Variants in LMNA observed in about 807,000 individuals in gnomAD.
The protein encoded by LMNA is lamin A/C.
LMNA carries 20 observed loss-of-function variants against 70.4 expected under a neutral mutation model. The ratio of observed to expected loss-of-function variants is 0.28; its 90% CI spans 0.20 to 0.41. LMNA has a LOEUF of 0.41. LMNA is among the 10% of genes least tolerant of loss of function. The probability of loss-of-function intolerance (pLI) is 1.00; values close to 1 mark genes in which losing one functional copy is unlikely to be tolerated. For missense variants in LMNA, 652 were observed against 917.2 expected (o/e 0.71, Z 3.73); for synonymous variants, 339 against 372.8 (o/e 0.91, Z 1.04).
Position 156,138,908 on chromosome 1 carries a change from C to A in LMNA, c.1968+151C>A. 1 of 1,305,022 alleles carries A rather than the reference C, an allele frequency of 7.7e-7. No individual in the cohort carries two copies. Among genetic ancestry groups the A allele is most frequent in the Non-Finnish European group, 1.1e-6 (1 of 916,408 alleles). 80.8% of individuals were successfully genotyped at this position (1,305,022 alleles called of 1,614,324 possible). On this transcript the variant is annotated intron_variant, in intron 11 of 11. Transcript: ENST00000368300. This position sits in a 1 kb window ranked among gnomAD's most constrained non-coding sequence, Gnocchi z 5.5. ...TCCTCCCCACAGCCTGAGTCCTAGA[C>A]AGCCCACCTCTGCATCCTGCCCCTC...
chr1:156,112,132 T>G (rs1649562865), upstream of LMNA, among the ~76,000 whole-genome samples: 1 of 151,664 alleles, frequency 6.6e-6, no homozygotes, highest in African/African-American at 2.4e-5. Context: ...GATGGGGAGG[T>G]CTGGCCAGAC....
Position 156,137,304 on chromosome 1 carries a change from C to A in LMNA, c.1608+72C>A. 6.5e-7 allele frequency: 1 copy of A among 1,533,272 alleles called. No individual in the cohort carries two copies. The highest frequency in any genetic ancestry group is 8.7e-7 in the Non-Finnish European group (1 of 1,144,780). The allele number at this position is 1,533,272 out of a possible 1,614,324, so 95.0% of individuals were successfully genotyped here. ...ATGGCCAACATCGGAGCCAGCTGCC[C>A]CCAACCCAAGTTTGCCAATTCAGGG... On this transcript the variant is annotated intron_variant, in intron 9 of 11. Transcript: ENST00000368300. The surrounding 1 kb of genome is among the most constrained non-coding windows in gnomAD (Gnocchi z 4.6).
Position 156,135,461 on chromosome 1 carries a change from G to T in LMNA, c.936+149G>T, listed in dbSNP as rs1050381477. On this transcript the variant is annotated intron_variant, in intron 5 of 11. Transcript: ENST00000368300. This position sits in a 1 kb window ranked among gnomAD's most constrained non-coding sequence, Gnocchi z 4.8. Reference sequence around the variant, plus strand: ...GTCCCCACAACCACAGAGAAGGGTCGCAGGATGTGGAGTCAGATGGCCTGT... The same window carrying T: ...GTCCCCACAACCACAGAGAAGGGTCTCAGGATGTGGAGTCAGATGGCCTGT... The T allele has an allele frequency of 3.0e-6, 3 of 1,016,374 alleles. No individual in the cohort carries two copies. Among genetic ancestry groups the T allele is most frequent in the East Asian group, 2.6e-5 (1 of 38,104 alleles). The allele number at this position is 1,016,374 out of a possible 1,614,324, so 63.0% of individuals were successfully genotyped here.
intron 2 of LMNA, among the ~76,000 whole-genome samples, chr1:156,085,784 G>C (rs745580005): frequency 6.6e-6 from 1 of 152,184 alleles, no homozygotes; most frequent in Non-Finnish European, 1.5e-5. Context: ...GGCAGGGCAT[G>C]GTGGCTCGTT....
intron 1 of LMNA, among the ~76,000 whole-genome samples, chr1:156,116,932 GAGACAGGGTCTTACTCTGTCA>G (rs1649865230): frequency 6.7e-6 from 1 of 150,120 alleles, no homozygotes; most frequent in African/African-American, 2.5e-5. Context: ...GTTTTTTTTT[GAGACAGGGTCTTACTCTGTCA>G]CCCAGACTGG....
intron 2 of LMNA, among the ~76,000 whole-genome samples, chr1:156,132,705 T>G (rs1169058673): frequency 6.6e-6 from 1 of 151,982 alleles, no homozygotes; most frequent in East Asian, 1.9e-4. Flanking sequence ...TGGGCCACCT[T>G]CCTCCTGGGT....
Position 156,137,430 on chromosome 1 carries a change from T to C in LMNA, c.1608+198T>C. On this transcript the variant is annotated intron_variant, in intron 9 of 11. Coordinates refer to ENST00000368300, the MANE Select transcript of LMNA (RefSeq NM_170707.4). This position sits in a 1 kb window ranked among gnomAD's most constrained non-coding sequence, Gnocchi z 4.6. ...AGCACAAGGGGTGGAAGTTAGACAG[T>C]GAGGATTGTTAAAGGCAGAGCCATA... The C allele has an allele frequency of 2.5e-6, 2 of 803,182 alleles. No homozygotes were observed. Among genetic ancestry groups the C allele is most frequent in the Non-Finnish European group, 4.1e-6 (2 of 492,170 alleles). 49.8% of individuals were successfully genotyped at this position (803,182 alleles called of 1,614,324 possible).
In LMNA at chr1:156,137,302, C is replaced by T; in HGVS notation, c.1608+70C>T. On this transcript the variant is annotated intron_variant, in intron 9 of 11. Transcript: ENST00000368300. The surrounding 1 kb of genome is among the most constrained non-coding windows in gnomAD (Gnocchi z 4.6). ...TGATGGCCAACATCGGAGCCAGCTG[C>T]CCCCAACCCAAGTTTGCCAATTCAG... is the stretch of plus-strand genomic sequence containing the variant. The T allele has an allele frequency of 6.5e-7, 1 of 1,532,804 alleles. No homozygotes were observed. Among genetic ancestry groups the T allele is most frequent in the Non-Finnish European group, 8.7e-7 (1 of 1,144,256 alleles). The allele number at this position is 1,532,804 out of a possible 1,614,324, so 95.0% of individuals were successfully genotyped here.
At chr1:156,132,837 C>T (rs10158219) in intron 2 of LMNA, among the ~76,000 whole-genome samples, 8,409 of 93,680 alleles carry the variant, frequency 0.09, 822 homozygotes, top group African/African-American at 0.21. Context: ...CTCTCTCTCT[C>T]TTTTTTTTTT....
chr1:156,116,712 G>A (rs1558117297), intron 1 of LMNA, among the ~76,000 whole-genome samples: 1 of 152,050 alleles, frequency 6.6e-6, no homozygotes, highest in Non-Finnish European at 1.5e-5. Flanking sequence ...TTACAGGCAT[G>A]TGCCACCATG....
intron 1 of LMNA, chr1:156,126,957 G>A (rs758002028): frequency 3.9e-6 from 6 of 1,526,002 alleles, no homozygotes; most frequent in Admixed American, 2.1e-5. Context: ...CGGGTATTGT[G>A]TGCCTGAGCA....
At chr1:156,104,678 A>G (rs907929830) in intron 3 of LMNA, among the ~76,000 whole-genome samples, 1 of 151,982 alleles carries the variant, frequency 6.6e-6, no homozygotes, top group East Asian at 1.9e-4. Context: ...CTCCCCCGCT[A>G]CATCTCACTG....
At chr1:156,091,730 G>A (rs1424571751) in intron 3 of LMNA, among the ~76,000 whole-genome samples, 2 of 152,166 alleles carry the variant, frequency 1.3e-5, no homozygotes, top group African/African-American at 4.8e-5. Context: ...TACTTGCACG[G>A]AGCTGATACT....
intron 3 of LMNA, among the ~76,000 whole-genome samples, chr1:156,107,132 G>A (rs183616610): frequency 3.3e-5 from 5 of 152,326 alleles, no homozygotes; most frequent in African/African-American, 1.2e-4. Flanking sequence ...GTGCTTGCCT[G>A]TGCACCTCAA....
At chr1:156,089,909 G>A (rs1648630242) in intron 2 of LMNA, among the ~76,000 whole-genome samples, 1 of 152,190 alleles carries the variant, frequency 6.6e-6, no homozygotes, top group South Asian at 2.1e-4. Context: ...GCTGGACCCA[G>A]GCGTCCAGGA....
Position 156,134,012 on chromosome 1 carries a change from G to A in LMNA, c.514-391G>A, listed in dbSNP as rs1042939670. Among the ~76,000 whole-genome samples the A allele has an allele frequency of 2.0e-5, 3 of 148,728 alleles. No homozygotes were observed. Among genetic ancestry groups the A allele is most frequent in the Admixed American group, 6.6e-5 (1 of 15,142 alleles). ...GCCAGAGAAGGGAGTCCTGTGGCTG[G>A]GGGGCATATATCTTTTCTTTTTGAG... is the stretch of plus-strand genomic sequence containing the variant. On this transcript the variant is annotated intron_variant, in intron 2 of 11. Transcript: ENST00000368300. This position sits in a 1 kb window ranked among gnomAD's most constrained non-coding sequence, Gnocchi z 5.3.
intron 1 of LMNA, chr1:156,130,001 G>A: frequency 1.5e-6 from 1 of 663,976 alleles, no homozygotes; most frequent in South Asian, 1.6e-5. Flanking sequence ...ACCCAGACTG[G>A]GTCCTGAGAA....
chr1:156,088,559 C>T (rs1399192595), intron 2 of LMNA, among the ~76,000 whole-genome samples: 2 of 152,092 alleles, frequency 1.3e-5, no homozygotes, highest in Admixed American at 6.6e-5. Flanking sequence ...AATCCCAGCA[C>T]CTTGGGGCCA....
intron 3 of LMNA, among the ~76,000 whole-genome samples, chr1:156,098,928 C>T (rs1356208367): frequency 6.6e-6 from 1 of 152,182 alleles, no homozygotes; most frequent in Non-Finnish European, 1.5e-5. Context: ...TTCCTGTAGA[C>T]CCCTGGGGTG....
Sources: allele counts gnomAD v4.1 joint callset (sites outside exome capture counted in the v4.1 genomes callset), GRCh38; gene constraint gnomAD v4.1.1; non-coding constraint Gnocchi (gnomAD v3.1); transcripts MANE v1.5; gene names NCBI Gene and HGNC (gene_info 2026-07-23, HGNC 2026-07-21).